Variants in ADGRG5 observed in about 807,000 individuals in gnomAD.
ADGRG5 encodes the protein G protein-coupled receptor 114.
ADGRG5 carries 37 observed loss-of-function variants against 53.2 expected under a neutral mutation model. The ratio of observed to expected loss-of-function variants is 0.70; its 90% CI spans 0.53 to 0.91. ADGRG5 has a LOEUF of 0.91. Ranked by LOEUF, ADGRG5 falls within the 40% of genes least tolerant of loss-of-function variation. The probability of loss-of-function intolerance (pLI) is 0.00; values close to 1 mark genes in which losing one functional copy is unlikely to be tolerated. For synonymous variants in ADGRG5, 277 were observed against 290.4 expected (o/e 0.95, Z 0.47); for missense variants, 614 against 675.8 (o/e 0.91, Z 1.01).
At position 57,568,964 on chromosome 16, in the gene ADGRG5, TCAC is replaced by T. The variant is rs555541398; in HGVS notation, c.1090+846_1090+848del. Among the ~76,000 whole-genome samples, 199 of 123,420 alleles carry T rather than the reference TCAC, an allele frequency of 1.6e-3. 1 individual carries two copies. Among genetic ancestry groups the T allele is most frequent in the Non-Finnish European group, 2.8e-3 (166 of 58,380 alleles). The allele number at this position is 123,420 out of a possible 152,430, so 81.0% of individuals were successfully genotyped here. A position where few individuals can be genotyped will look rare whatever the true frequency, so the allele number is the denominator to read the frequency against. On this transcript the variant is annotated intron_variant, in intron 9 of 11. Coordinates refer to ENST00000349457, the MANE Select transcript of ADGRG5 (RefSeq NM_001304376.3). ...ACCTGCTCCATCTCCTCCACCTCTA[TCAC>T]CACCATCATCACCTCCTCCACCTTC...
intron 1 of ADGRG5, among the ~76,000 whole-genome samples, chr16:57,545,506 C>G (rs2032594966): frequency 6.6e-6 from 1 of 152,136 alleles, no homozygotes; most frequent in African/African-American, 2.4e-5. Context: ...GGGCAACATG[C>G]TGAAACCACG....
intron 10 of ADGRG5, among the ~76,000 whole-genome samples, chr16:57,571,424 A>G (rs2033354313): frequency 6.6e-6 from 1 of 151,314 alleles, no homozygotes; most frequent in Non-Finnish European, 1.5e-5. Flanking sequence ...CCTGGCCCCC[A>G]GCCCCTGAAG....
upstream of ADGRG5, among the ~76,000 whole-genome samples, chr16:57,540,837 C>G (rs2032478554): frequency 6.6e-6 from 1 of 152,148 alleles, no homozygotes; most frequent in African/African-American, 2.4e-5. Context: ...GTTGCCCAAG[C>G]TGGAATGCAG....
intron 1 of ADGRG5, among the ~76,000 whole-genome samples, chr16:57,556,281 T>C (rs2032881756): frequency 6.6e-6 from 1 of 152,250 alleles, no homozygotes. Flanking sequence ...TGCCTTTTAA[T>C]TGGAGCATTT....
chr16:57,570,367 C>T lies in ADGRG5; in HGVS notation c.1091-51C>T, dbSNP rs1412361310. ...GCAGCCCCAGGGACCGCCCCAGGGA[C>T]CGAGGGTCAGCCCTCTCCCACATCT... On this transcript the variant is annotated intron_variant, in intron 9 of 11. Coordinates refer to ENST00000349457, the MANE Select transcript of ADGRG5 (RefSeq NM_001304376.3). 4 of 1,250,408 alleles carry T rather than the reference C, an allele frequency of 3.2e-6. No homozygotes were observed. In the Admixed American group the frequency reaches 6.8e-5, roughly 21 times the overall value. The allele number at this position is 1,250,408 out of a possible 1,614,324, so 77.5% of individuals were successfully genotyped here.
upstream of ADGRG5, among the ~76,000 whole-genome samples, chr16:57,538,924 AG>A (rs1437918468): frequency 6.6e-6 from 1 of 152,184 alleles, no homozygotes; most frequent in Non-Finnish European, 1.5e-5. Context: ...TGCCACAAAT[AG>A]AAAAAGATCA....
chr16:57,530,472 A>C, the ADGRG5 span, among the ~76,000 whole-genome samples: 3 of 152,080 alleles, frequency 2.0e-5, no homozygotes, highest in Admixed American at 2.0e-4. Flanking sequence ...TTTCTGAGTG[A>C]TCAGTGTACT....
chr16:57,566,653 TGGGGGG>T lies in ADGRG5; in HGVS notation c.603_608del (p.Trp201_Gly203delinsCys). 2 of 1,589,516 alleles carry T rather than the reference TGGGGGG, an allele frequency of 1.3e-6. No homozygotes were observed. The highest frequency in any genetic ancestry group is 1.7e-6 in the Non-Finnish European group (2 of 1,168,908). ...GAAGGAGGGAGCCAGGAAACAGCCCTGGGGGGGCTGGAGCCCTGAGGGCTGTCGTAC... is the reference window on the plus strand; with the variant it reads ...GAAGGAGGGAGCCAGGAAACAGCCCTGCTGGAGCCCTGAGGGCTGTCGTAC... On this transcript the variant is annotated inframe_deletion, in exon 7 of 12. Transcript: ENST00000349457.
Position 57,576,512 on chromosome 16 carries a change from G to A in ADGRG5, c.*974G>A, listed in dbSNP as rs761226301. 4.6e-5 allele frequency: 7 copies of A among 152,080 alleles called. No homozygotes were observed. Among genetic ancestry groups the A allele is most frequent in the Non-Finnish European group, 1.0e-4 (7 of 68,020 alleles). The allele number at this position is 152,080 out of a possible 1,614,324, so 9.4% of individuals were successfully genotyped here. On this transcript the variant is annotated 3_prime_UTR_variant, in exon 12 of 12. Transcript: ENST00000349457. ...AATCACCCTTACCCCAGACCTTCAT[G>A]AGACAGTGCTCATGAAGCCAGTGCG...
At chr16:57,537,310 C>G in the ADGRG5 span, among the ~76,000 whole-genome samples, 1 of 150,684 alleles carries the variant, frequency 6.6e-6, no homozygotes, top group East Asian at 1.9e-4. Context: ...TGGAAGGCCC[C>G]CGAGGTGAAT....
At chr16:57,573,428 C>CAAA (rs35195501) in intron 10 of ADGRG5, among the ~76,000 whole-genome samples, 22 of 76,556 alleles carry the variant, frequency 2.9e-4, no homozygotes, top group East Asian at 2.3e-3. Context: ...GACTCCCTCT[C>CAAA]AAAAAAAAAA....
chr16:57,571,380 G>A (rs1230925062), intron 10 of ADGRG5, among the ~76,000 whole-genome samples: 4 of 152,158 alleles, frequency 2.6e-5, no homozygotes, highest in African/African-American at 9.7e-5. Context: ...CAGTGGCAGA[G>A]CTGGGGCTTG....
intron 6 of ADGRG5, chr16:57,565,472 G>A: frequency 2.4e-6 from 1 of 413,832 alleles, no homozygotes; most frequent in Non-Finnish European, 4.3e-6. Context: ...ATGCCCTTGT[G>A]GCTCAGTCTC....
intron 1 of ADGRG5, among the ~76,000 whole-genome samples, chr16:57,560,521 T>C (rs1195940811): frequency 6.6e-6 from 1 of 152,232 alleles, no homozygotes. Context: ...CCTCAGAGAC[T>C]TTTCTCCTGC....
Position 57,562,422 on chromosome 16 carries a change from C to T in ADGRG5, c.103C>T (p.Gln35Ter). ...ACTCCTGAGCTACATGGAGAATATGCAGGTGTCCAGGGGCCGGAGCTCAGT... is the reference window on the plus strand; with the variant it reads ...ACTCCTGAGCTACATGGAGAATATGTAGGTGTCCAGGGGCCGGAGCTCAGT... ...EELLSYMENM[Q>*]VSRGRSSVFS... The change falls in exon 3 of 12, where the codon CAG (glutamine) becomes TAG (stop). Residue 35 changes from glutamine (Q) to a stop codon, truncating the protein, a stop_gained. Coordinates refer to ENST00000349457, the MANE Select transcript of ADGRG5 (RefSeq NM_001304376.3). LOFTEE classifies it high-confidence loss of function. The T allele has an allele frequency of 6.2e-7, 1 of 1,607,400 alleles. No homozygotes were observed.
chr16:57,567,794 C>A, intron 8 of ADGRG5, 62 bp from the exon 9 acceptor site: 1 of 1,549,336 alleles, frequency 6.5e-7, no homozygotes, highest in Admixed American at 1.8e-5. Context: ...CCTATGCACC[C>A]AGTGGGTAGT....
upstream of ADGRG5, among the ~76,000 whole-genome samples, chr16:57,539,594 A>G (rs2032460499): frequency 6.6e-6 from 1 of 151,364 alleles, no homozygotes; most frequent in Non-Finnish European, 1.5e-5. Flanking sequence ...GTGGATCTAC[A>G]GGGGCACGTT....
chr16:57,567,358 G>A (rs2033161761), intron 7 of ADGRG5, 112 bp from the exon 8 acceptor site: 5 of 1,260,140 alleles, frequency 4.0e-6, no homozygotes, highest in Admixed American at 4.3e-5. Flanking sequence ...TCCATGGCTA[G>A]GCTTGTGGGG....
At chr16:57,532,734 C>G in the ADGRG5 span, among the ~76,000 whole-genome samples, 3 of 139,664 alleles carry the variant, frequency 2.1e-5, no homozygotes, top group East Asian at 6.5e-4. Context: ...CACACACACA[C>G]AGAGGCAGAC....
Sources: gnomAD v4.1 joint callset for allele counts (sites outside exome capture counted in the v4.1 genomes callset) on GRCh38, gnomAD v4.1.1 for gene constraint, MANE v1.5 for transcripts, NCBI Gene and HGNC (gene_info 2026-07-23, HGNC 2026-07-21) for gene names.